The following CTDP1 variants were observed in gnomAD, a reference collection of about 807,000 sequenced individuals.
CTDP1 encodes the protein RNA polymerase II subunit A C-terminal domain phosphatase.
Under a neutral mutation model 91.8 loss-of-function variants are expected in CTDP1, and 47 were observed. The ratio of observed to expected loss-of-function variants is 0.51; its 90% confidence interval spans 0.41 to 0.65. The LOEUF (loss-of-function observed/expected upper bound fraction) is 0.65. Among genes scored for constraint, CTDP1 ranks in the 30% least tolerant of loss-of-function variants. The pLI, the probability that CTDP1 is intolerant of heterozygous loss-of-function variation, is 0.00. For synonymous variants in CTDP1, 656 were observed against 598.5 expected, an observed-to-expected ratio of 1.10 and a Z score of -1.40; for missense variants, 1,272 against 1,373.7, an observed-to-expected ratio of 0.93 and a Z score of 1.17.
At chr18:79,678,915 G>T (rs1449430187), upstream of CTDP1, 1 of 181,486 alleles carries the variant, frequency 5.5e-6, no homozygotes, top group Non-Finnish European at 1.2e-5. Flanking sequence ...CCAGGCTCAG[G>T]TGATCCGCCC....
intron 1 of CTDP1, among the ~76,000 whole-genome samples, chr18:79,691,258 C>T (rs991806283): frequency 1.3e-4 from 20 of 152,228 alleles, no homozygotes. Context: ...AGTCAACTTT[C>T]TTCAGACCTC....
intron 12 of CTDP1, among the ~76,000 whole-genome samples, chr18:79,751,437 G>GT (rs1366645851): frequency 1.3e-5 from 2 of 152,166 alleles, no homozygotes; most frequent in Non-Finnish European, 2.9e-5. Flanking sequence ...GGGCCCTTGT[G>GT]TTTCTCTCAT....
chr18:79,714,898 G>A lies in CTDP1; in HGVS notation c.1438G>A (p.Gly480Arg), dbSNP rs774121261. Residue 480 changes from glycine (G) to arginine (R), a missense_variant, in exon 8 of 13, where the codon GGG (glycine) becomes AGG (arginine). Around this residue, in one of 3 missense-constraint regions of CTDP1, gnomAD observed 881 missense variants for 911.6 expected, o/e 0.97. Transcript: ENST00000613122. ...CTCCGCCTCTGATGGCGAAAGCGAG[G>A]GGAAAAGAGGCCGGCAGAAGCCGAA... Reference protein sequence around the residue: ...SSSASDGESEGKRGRQKPKAA... With the variant: ...SSSASDGESERKRGRQKPKAA... The A allele has an allele frequency of 1.3e-5, 21 of 1,572,462 alleles. No individual in the cohort carries two copies. The highest frequency in any genetic ancestry group is 1.8e-5 in the Non-Finnish European group (21 of 1,159,190).
At chr18:79,751,685 C>T (rs1165214639) in intron 12 of CTDP1, among the ~76,000 whole-genome samples, 2 of 152,004 alleles carry the variant, frequency 1.3e-5, no homozygotes, top group Non-Finnish European at 1.5e-5. Context: ...ATGTGTGTTA[C>T]ATGCGTGCTG....
In CTDP1 at chr18:79,736,755, G is replaced by C. The variant is rs1443477316; in HGVS notation, c.2747+234G>C. Among the ~76,000 whole-genome samples the C allele has an allele frequency of 5.5e-5, 8 of 145,386 alleles. No individual in the cohort carries two copies. The East Asian group carries it at 1.3e-3, about 23-fold the overall frequency. On this transcript the variant is annotated intron_variant, in intron 12 of 12. Coordinates refer to ENST00000613122, the MANE Select transcript of CTDP1 (RefSeq NM_004715.5). ...TGAGGTGTGTGCAGGTGTGGGGGGG[G>C]ATCTGTACATCTGCGCAGGCGTGTG...
intron 12 of CTDP1, among the ~76,000 whole-genome samples, chr18:79,748,015 A>G (rs1436583724): frequency 1.3e-5 from 2 of 152,206 alleles, no homozygotes; most frequent in African/African-American, 4.8e-5. Flanking sequence ...GCCTTATTCA[A>G]TGTTGAATTT....
intron 1 of CTDP1, among the ~76,000 whole-genome samples, chr18:79,694,218 A>AGTG (rs2085690041): frequency 8.1e-6 from 1 of 123,520 alleles, no homozygotes; most frequent in South Asian, 2.8e-4. Context: ...TCTGCAGGGC[A>AGTG]GGGTGGTCGG....
At chr18:79,712,837 G>A (rs1037940192) in intron 6 of CTDP1, 135 bp from the exon 7 acceptor site, 10 of 854,752 alleles carry the variant, frequency 1.2e-5, no homozygotes, top group South Asian at 9.0e-5. Context: ...GCTTCGGGGC[G>A]GTTGGTGTCC....
chr18:79,730,084 G>C (rs1315878161), intron 11 of CTDP1, among the ~76,000 whole-genome samples: 1 of 152,206 alleles, frequency 6.6e-6, no homozygotes, highest in Non-Finnish European at 1.5e-5. Flanking sequence ...AGTAACTCAG[G>C]TCATCACCTT....
intron 12 of CTDP1, among the ~76,000 whole-genome samples, chr18:79,736,754 G>C (rs1348410782): frequency 6.6e-6 from 1 of 152,076 alleles, no homozygotes; most frequent in African/African-American, 2.4e-5. Context: ...GTGTGGGGGG[G>C]GATCTGTACA....
chr18:79,708,711 C>G (rs1261239204), intron 5 of CTDP1, among the ~76,000 whole-genome samples: 4 of 152,274 alleles, frequency 2.6e-5, no homozygotes, highest in African/African-American at 9.6e-5. Context: ...CGTGCCATGA[C>G]AAGACCACAG....
intron 11 of CTDP1, 64 bp downstream of exon 11, chr18:79,729,133 G>A: frequency 1.2e-5 from 19 of 1,602,040 alleles, no homozygotes; most frequent in Non-Finnish European, 1.6e-5. Context: ...GAGCTCTGGT[G>A]TGCGGGCGGA....
At chr18:79,693,474 A>G (rs568933051) in intron 1 of CTDP1, among the ~76,000 whole-genome samples, 2 of 152,320 alleles carry the variant, frequency 1.3e-5, no homozygotes, top group South Asian at 2.1e-4. Context: ...TGAGTCTCCC[A>G]TATCCAAACT....
intron 1 of CTDP1, among the ~76,000 whole-genome samples, chr18:79,683,574 G>A (rs1258177150): frequency 6.6e-6 from 1 of 152,240 alleles, no homozygotes; most frequent in Non-Finnish European, 1.5e-5. Context: ...CTGCCCAGCT[G>A]ATGGATCAGA....
intron 10 of CTDP1, among the ~76,000 whole-genome samples, chr18:79,728,009 A>G (rs1455964331): frequency 1.3e-5 from 2 of 152,228 alleles, no homozygotes; most frequent in Non-Finnish European, 2.9e-5. Flanking sequence ...CATAGCAGAA[A>G]GATCCTTGAA....
intron 5 of CTDP1, among the ~76,000 whole-genome samples, chr18:79,709,020 C>T (rs2086025992): frequency 6.6e-6 from 1 of 152,272 alleles, no homozygotes; most frequent in Non-Finnish European, 1.5e-5. Context: ...TTTATGGCTT[C>T]AGCCACTTGT....
chr18:79,680,607 G>A (rs1275071854), intron 1 of CTDP1, among the ~76,000 whole-genome samples: 1 of 152,196 alleles, frequency 6.6e-6, no homozygotes, highest in Non-Finnish European at 1.5e-5. Flanking sequence ...GTGAGCACAA[G>A]AGTCATCAGG....
At chr18:79,736,581 G>A (rs1259532631) in intron 12 of CTDP1, 60 bp downstream of exon 12, 50 of 1,444,822 alleles carry the variant, frequency 3.5e-5, no homozygotes, top group Non-Finnish European at 4.4e-5. Flanking sequence ...TGACTCTGCA[G>A]TTGGTGGGCC....
At position 79,717,825 on chromosome 18, in the gene CTDP1, G is replaced by A. The variant is rs780699468; in HGVS notation, c.2226G>A (p.Ala742=). 2.7e-5 allele frequency: 44 copies of A among 1,613,582 alleles called. No homozygotes were observed. The highest frequency in any genetic ancestry group is 1.3e-4 in the South Asian group (12 of 91,084). Residue 742 remains alanine (A), a synonymous_variant, in exon 10 of 13, where the codon GCG becomes GCA. Transcript: ENST00000613122. ...CCTCCGACAGGGAGAACAGCCCTGC[G>A]GCCTTTCCCGACCGGGAGGGTGTGC... is the stretch of plus-strand genomic sequence containing the variant. The part of the protein sequence containing the change: ...HTKAQRENSP[A]AFPDREGVPP...
Sources: allele counts gnomAD v4.1 joint callset (sites outside exome capture counted in the v4.1 genomes callset), GRCh38; gene constraint gnomAD v4.1.1; regional missense constraint gnomAD v4.1.1; transcripts MANE v1.5; gene names NCBI Gene and HGNC (gene_info 2026-07-23, HGNC 2026-07-21).